Variants in EML1 observed in about 807,000 individuals in gnomAD.
The protein encoded by EML1 is EMAP like 1, also known as echinoderm microtubule-associated protein-like 1.
In EML1, 27 loss-of-function variants were observed where a neutral mutation model predicts 110.4. The observed-to-expected ratio is 0.24, with a 90% CI of 0.18 to 0.34. EML1 has a LOEUF of 0.34. Among genes scored for constraint, EML1 ranks in the 10% least tolerant of loss-of-function variants. The pLI, the probability that EML1 is intolerant of heterozygous loss-of-function variation, is 1.00. For synonymous variants in EML1, 344 were observed against 385.8 expected (o/e 0.89, Z 1.27); for missense variants, 741 against 1,030.9 (o/e 0.72, Z 3.85).
intron 1 of EML1, among the ~76,000 whole-genome samples, chr14:99,810,383 A>C (rs763939311): frequency 6.6e-6 from 1 of 152,230 alleles, no homozygotes; most frequent in African/African-American, 2.4e-5. Flanking sequence ...GTGACACTTC[A>C]CATGAGTGTA....
chr14:99,880,081 A>G (rs2059359688), intron 4 of EML1, among the ~76,000 whole-genome samples: 1 of 152,226 alleles, frequency 6.6e-6, no homozygotes, highest in Non-Finnish European at 1.5e-5. Flanking sequence ...TGATTTGGAA[A>G]TGAGGGACTG....
chr14:99,823,067 G>A (rs553397643), intron 1 of EML1, among the ~76,000 whole-genome samples: 142 of 152,218 alleles, frequency 9.3e-4, no homozygotes, highest in African/African-American at 3.2e-3. Context: ...CATCTCCTCC[G>A]GGAAGAAGAC....
At chr14:99,816,810 C>G (rs2058175463) in intron 1 of EML1, among the ~76,000 whole-genome samples, 1 of 152,234 alleles carries the variant, frequency 6.6e-6, no homozygotes, top group Admixed American at 6.5e-5. Flanking sequence ...CATCTTCCTA[C>G]TCCATGTCCT....
chr14:99,894,891 A>C, intron 6 of EML1, 133 bp downstream of exon 6: 1 of 1,209,136 alleles, frequency 8.3e-7, no homozygotes, highest in Non-Finnish European at 1.1e-6. Flanking sequence ...GTTACTTTTG[A>C]AAACTTAATG....
chr14:99,798,269 C>T (rs1415246716), intron 1 of EML1, among the ~76,000 whole-genome samples: 1 of 152,140 alleles, frequency 6.6e-6, no homozygotes, highest in South Asian at 2.1e-4. Context: ...TCATCTACAC[C>T]TGTTTCCTTT....
At chr14:99,921,761 C>T (rs2060134176) in intron 17 of EML1, among the ~76,000 whole-genome samples, 1 of 152,172 alleles carries the variant, frequency 6.6e-6, no homozygotes. Context: ...GAGTAATTTA[C>T]ATACAATAAT....
In EML1 at chr14:99,810,278, A is replaced by T. The variant is rs185487426; in HGVS notation, c.67+16735A>T. On this transcript the variant is annotated intron_variant, in intron 1 of 21. Coordinates refer to ENST00000262233, the MANE Select transcript of EML1 (RefSeq NM_004434.3). ...CAGGGAGACTCTGTTGACTTTGCTAAATTCATGGGTTCCTTCCTTCCTTCA... is the reference window on the plus strand; with the variant it reads ...CAGGGAGACTCTGTTGACTTTGCTATATTCATGGGTTCCTTCCTTCCTTCA... Among the ~76,000 whole-genome samples, 734 of 152,270 alleles carry T rather than the reference A, an allele frequency of 4.8e-3. 3 individuals are homozygous for T. The highest frequency in any genetic ancestry group is 0.017 in the African/African-American group (703 of 41,544).
chr14:99,880,490 C>A (rs2059366966), intron 4 of EML1, among the ~76,000 whole-genome samples: 1 of 152,124 alleles, frequency 6.6e-6, no homozygotes, highest in Non-Finnish European at 1.5e-5. Flanking sequence ...AGAAATGCCA[C>A]CCTCGAGGAT....
chr14:99,891,508 C>T (rs1186414720), intron 5 of EML1, among the ~76,000 whole-genome samples: 1 of 152,196 alleles, frequency 6.6e-6, no homozygotes, highest in Non-Finnish European at 1.5e-5. Context: ...CCACCTATGC[C>T]ATGATGGAAT....
At chr14:99,762,268 C>T (rs2140188701) in intron 1 of EML1, among the ~76,000 whole-genome samples, 1 of 152,156 alleles carries the variant, frequency 6.6e-6, no homozygotes, top group East Asian at 1.9e-4. Flanking sequence ...AATTGAAATG[C>T]AACATGCTTA....
chr14:99,822,292 T>C (rs571760016), intron 1 of EML1, among the ~76,000 whole-genome samples: 2 of 152,338 alleles, frequency 1.3e-5, no homozygotes, highest in African/African-American at 4.8e-5. Context: ...AGAATACATG[T>C]GCATGTGGCT....
intron 1 of EML1, among the ~76,000 whole-genome samples, chr14:99,824,241 T>C (rs2058313511): frequency 6.6e-6 from 1 of 152,226 alleles, no homozygotes; most frequent in Non-Finnish European, 1.5e-5. Context: ...ATTACAGGCG[T>C]GAGCCACCAC....
At chr14:99,826,354 C>T (rs2058357760) in intron 1 of EML1, among the ~76,000 whole-genome samples, 1 of 152,054 alleles carries the variant, frequency 6.6e-6, no homozygotes, top group Non-Finnish European at 1.5e-5. Context: ...CTCATGTGAT[C>T]CGCCTCCCTC....
At chr14:99,868,049 T>A (rs1411722946) in intron 3 of EML1, among the ~76,000 whole-genome samples, 1 of 152,220 alleles carries the variant, frequency 6.6e-6, no homozygotes, top group African/African-American at 2.4e-5. Context: ...TTTTGTCAAA[T>A]GCTTTTTCTG....
chr14:99,853,676 A>G (rs1401324105), intron 2 of EML1, among the ~76,000 whole-genome samples: 1 of 152,010 alleles, frequency 6.6e-6, no homozygotes, highest in Non-Finnish European at 1.5e-5. Context: ...TGACATTCTT[A>G]TTTTTATTTC....
chr14:99,811,445 G>T (rs1346263524), intron 1 of EML1, among the ~76,000 whole-genome samples: 1 of 151,446 alleles, frequency 6.6e-6, no homozygotes, highest in Non-Finnish European at 1.5e-5. Flanking sequence ...CACATATTTT[G>T]TATGTTATAT....
intron 3 of EML1, among the ~76,000 whole-genome samples, chr14:99,867,534 A>G (rs540024205): frequency 4.1e-4 from 62 of 152,232 alleles, no homozygotes; most frequent in African/African-American, 1.4e-3. Flanking sequence ...TGAGTCTTCT[A>G]ACTCCTTGGT....
intron 2 of EML1, among the ~76,000 whole-genome samples, chr14:99,864,343 GT>G (rs2059055582): frequency 3.3e-5 from 5 of 152,150 alleles, no homozygotes; most frequent in Admixed American, 3.3e-4. Flanking sequence ...TGTTAATGAA[GT>G]CCAAACTATC....
At position 99,793,537 on chromosome 14, in the gene EML1, T is replaced by G; in HGVS notation, c.61T>G (p.Cys21Gly). 4 of 1,032,862 alleles carry G rather than the reference T, an allele frequency of 3.9e-6. No homozygotes were observed. Among genetic ancestry groups the G allele is most frequent in the Non-Finnish European group, 4.7e-6 (4 of 857,740 alleles). The allele number at this position is 1,032,862 out of a possible 1,614,324, so 64.0% of individuals were successfully genotyped here. Residue 21 changes from cysteine (C) to glycine (G), a missense_variant, in exon 1 of 22, where the codon TGC becomes GGC. Around this residue, in one of 4 missense-constraint regions of EML1, gnomAD observed 226 missense variants for 255.6 expected, o/e 0.88. Transcript: ENST00000262233. ...CGACACGTCCTCGCTGCTCCAGTTC[T>G]GCAACGGTGAGGGGCGGCCGCGCGG... Reference protein sequence around the residue: ...LYDTSSLLQFCNDDSASAASS... With the variant: ...LYDTSSLLQFGNDDSASAASS...
Sources: gnomAD v4.1 joint callset for allele counts (sites outside exome capture counted in the v4.1 genomes callset) on GRCh38, gnomAD v4.1.1 for gene constraint, gnomAD v4.1.1 regional missense constraint, MANE v1.5 for transcripts, NCBI Gene and HGNC (gene_info 2026-07-23, HGNC 2026-07-21) for gene names.